EMCN: variants seen among roughly 807,000 people sequenced by gnomAD.
The protein encoded by EMCN is MUC-14.
EMCN carries 37 observed loss-of-function variants against 38.4 expected under a neutral mutation model. The ratio of observed to expected loss-of-function variants is 0.96; its 90% CI spans 0.74 to 1.27. The LOEUF (loss-of-function observed/expected upper bound fraction) is 1.27, where lower values mean the gene tolerates loss of function less well. Among genes scored for constraint, EMCN ranks in the 50% most tolerant of loss-of-function variants. EMCN has a pLI of 0.00. For synonymous variants in EMCN, 95 were observed against 100.8 expected (o/e 0.94, Z 0.35); for missense variants, 318 against 302.8 (o/e 1.05, Z -0.37).
chr4:100,467,625 T>C (rs1023561034), intron 3 of EMCN, among the ~76,000 whole-genome samples: 6 of 138,808 alleles, frequency 4.3e-5, no homozygotes, highest in African/African-American at 1.4e-4. Flanking sequence ...GAGCTTGCAG[T>C]GAGCCGGGAT....
At chr4:100,419,192 T>A (rs1290538931) in intron 8 of EMCN, among the ~76,000 whole-genome samples, 1 of 152,128 alleles carries the variant, frequency 6.6e-6, no homozygotes, top group Non-Finnish European at 1.5e-5. Context: ...TTCAGTCCAC[T>A]GTCAACCTTG....
chr4:100,407,151 C>A (rs1464620165), intron 11 of EMCN, among the ~76,000 whole-genome samples: 2 of 152,158 alleles, frequency 1.3e-5, no homozygotes, highest in Admixed American at 1.3e-4. Flanking sequence ...AGACAGCATA[C>A]ACTTGGGTCT....
intron 10 of EMCN, among the ~76,000 whole-genome samples, chr4:100,414,149 C>G (rs1230794160): frequency 6.6e-6 from 1 of 152,106 alleles, no homozygotes; most frequent in Non-Finnish European, 1.5e-5. Context: ...AGCTTCTACA[C>G]AGAGCACTTC....
chr4:100,458,113 CA>C lies in EMCN; in HGVS notation c.376+7309del, dbSNP rs112827420. ...CCTGGGCAACAGGGCAAGACCCTGT[CA>C]AAAAAAAAAAAGTGTTTCCTTCTCT... On this transcript the variant is annotated intron_variant, in intron 4 of 11. Coordinates refer to ENST00000296420, the MANE Select transcript of EMCN (RefSeq NM_016242.4). Among the ~76,000 whole-genome samples, 713 of 137,448 alleles carry C rather than the reference CA, an allele frequency of 5.2e-3. 2 individuals carry two copies. The highest frequency in any genetic ancestry group is 7.2e-3 in the Non-Finnish European group (452 of 63,024). 90.2% of individuals were successfully genotyped at this position (137,448 alleles called of 152,430 possible).
chr4:100,473,373 G>GTTTTTTTTTTTTTTTTTTTTTT lies in EMCN; in HGVS notation c.259+1664_259+1665insAAAAAAAAAAAAAAAAAAAAAA, dbSNP rs1256284835. ...GGCATTTCCCGTTTCGTGTTTTTTT[G>GTTTTTTTTTTTTTTTTTTTTTT]TTTTTTTTTTTTGTTTTTTTTTTTG... On this transcript the variant is annotated intron_variant, in intron 3 of 11. Coordinates refer to ENST00000296420, the MANE Select transcript of EMCN (RefSeq NM_016242.4). 2.1e-4 allele frequency among the ~76,000 whole-genome samples: 14 copies of GTTTTTTTTTTTTTTTTTTTTTT among 66,018 alleles called. 2 individuals are homozygous for GTTTTTTTTTTTTTTTTTTTTTT. The highest frequency in any genetic ancestry group is 3.0e-4 in the Non-Finnish European group (10 of 33,524). 43.3% of individuals were successfully genotyped at this position (66,018 alleles called of 152,430 possible).
At chr4:100,497,950 C>A (rs766484808) in intron 1 of EMCN, among the ~76,000 whole-genome samples, 2 of 151,948 alleles carry the variant, frequency 1.3e-5, no homozygotes, top group Admixed American at 6.6e-5. Flanking sequence ...ATTTTAAAAT[C>A]TTATTTTCAA....
intron 5 of EMCN, chr4:100,446,356 A>C (rs1727671954): frequency 1.1e-5 from 2 of 185,570 alleles, no homozygotes; most frequent in Non-Finnish European, 2.0e-5. Flanking sequence ...TAATAATGAG[A>C]TATATGATAT....
At chr4:100,429,022 TGA>T (rs1727128151) in intron 5 of EMCN, among the ~76,000 whole-genome samples, 1 of 152,150 alleles carries the variant, frequency 6.6e-6, no homozygotes. Context: ...AAAAAGAACT[TGA>T]GGAGCTTAAG....
chr4:100,448,795 T>TCTTCCTTCCTTCCTTCCTTCCTTCCTTC (rs1553929060), intron 4 of EMCN, among the ~76,000 whole-genome samples: 53 of 114,366 alleles, frequency 4.6e-4, no homozygotes, highest in Admixed American at 6.6e-4. Context: ...TGCCTTGAAG[T>TCTTCCTTCCTTCCTTCCTTCCTTCCTTC]CTTCCTTCCT....
At chr4:100,445,233 A>C (rs1421324678) in intron 5 of EMCN, among the ~76,000 whole-genome samples, 1 of 152,184 alleles carries the variant, frequency 6.6e-6, no homozygotes, top group East Asian at 1.9e-4. Flanking sequence ...TTAGTTGGCC[A>C]TCTTGCTGAT....
intron 4 of EMCN, among the ~76,000 whole-genome samples, chr4:100,456,233 T>C (rs1414839510): frequency 6.6e-6 from 1 of 152,196 alleles, no homozygotes; most frequent in Non-Finnish European, 1.5e-5. Flanking sequence ...CTCCAACTTA[T>C]CTAGTTTCTA....
intron 1 of EMCN, among the ~76,000 whole-genome samples, chr4:100,516,002 T>TC (rs1426031126): frequency 3.5e-4 from 45 of 128,318 alleles, no homozygotes; most frequent in African/African-American, 1.3e-3. Flanking sequence ...TAGGTTTGGT[T>TC]TGTTTGTTTG....
intron 5 of EMCN, among the ~76,000 whole-genome samples, chr4:100,431,702 G>A (rs1258593451): frequency 1.3e-5 from 2 of 150,904 alleles, no homozygotes; most frequent in Admixed American, 6.6e-5. Flanking sequence ...ATTATCACAT[G>A]AGCCAATTCT....
At chr4:100,463,362 T>C (rs1012775646) in intron 4 of EMCN, among the ~76,000 whole-genome samples, 3 of 152,128 alleles carry the variant, frequency 2.0e-5, no homozygotes, top group African/African-American at 7.2e-5. Flanking sequence ...ACTACTAAAC[T>C]TCGCACCTTC....
chr4:100,402,972 A>T (rs17623414), intron 11 of EMCN, among the ~76,000 whole-genome samples: 44,396 of 152,072 alleles, frequency 0.29, 8,170 homozygotes, highest in Non-Finnish European at 0.42. Context: ...AGGTTTCCAT[A>T]TATCAGCTAG....
At chr4:100,405,123 A>G (rs1204047758) in intron 11 of EMCN, among the ~76,000 whole-genome samples, 3 of 152,038 alleles carry the variant, frequency 2.0e-5, no homozygotes, top group African/African-American at 4.8e-5. Flanking sequence ...GGAAGAGACT[A>G]TGGGGTTTTC....
chr4:100,485,793 GCCAA>G (rs1477315922), intron 1 of EMCN, among the ~76,000 whole-genome samples: 3 of 151,808 alleles, frequency 2.0e-5, no homozygotes, highest in African/African-American at 7.3e-5. Context: ...TTGATCCATG[GCCAA>G]CCACATTAAA....
At chr4:100,429,528 C>T (rs17624212) in intron 5 of EMCN, among the ~76,000 whole-genome samples, 18,734 of 152,016 alleles carry the variant, frequency 0.12, 1,367 homozygotes, top group Middle Eastern at 0.17. Context: ...GACCTGGTTG[C>T]ACTCTTATAG....
chr4:100,498,407 AAATTAT>A (rs779135719), intron 1 of EMCN, among the ~76,000 whole-genome samples: 34 of 152,236 alleles, frequency 2.2e-4, no homozygotes, highest in Non-Finnish European at 3.7e-4. Context: ...CAAGGAATGT[AAATTAT>A]AATTATAAGC....
Sources: allele counts gnomAD v4.1 joint callset (sites outside exome capture counted in the v4.1 genomes callset), GRCh38; gene constraint gnomAD v4.1.1; transcripts MANE v1.5; gene names NCBI Gene and HGNC (gene_info 2026-07-23, HGNC 2026-07-21).